The following GP1BB variants were observed in gnomAD, a reference collection of about 807,000 sequenced individuals.
The protein encoded by GP1BB is glycoprotein Ib platelet subunit beta.
GP1BB carries 3 observed loss-of-function variants against 2.5 expected under a neutral mutation model. That is an observed-to-expected ratio of 1.22 (90% confidence interval 0.56 to 3.15). The LOEUF (loss-of-function observed/expected upper bound fraction) is 3.15. Among genes scored for constraint, GP1BB ranks in the 30% most tolerant of loss-of-function variants. The pLI, the probability that GP1BB is intolerant of heterozygous loss-of-function variation, is 0.03. For missense variants in GP1BB, 316 were observed against 307.0 expected (o/e 1.03, Z -0.22); for synonymous variants, 191 against 167.5 (o/e 1.14, Z -1.08).
rs762927741 is a variant in GP1BB at position 19,723,539 on chromosome 22, G to A, written c.-31G>A. ...GGCTCTCCCGCCTACGCCTCCCGCT[G>A]CAGAGTAAGCCGGGCTGCCGTCTTC... On this transcript the variant is annotated 5_prime_UTR_variant, in exon 1 of 2. Transcript: ENST00000366425. 5 of 1,584,782 alleles carry A rather than the reference G, an allele frequency of 3.2e-6. No individual in the cohort carries two copies. Among genetic ancestry groups the A allele is most frequent in the Admixed American group, 3.4e-5 (2 of 58,526 alleles).
At position 19,724,671 on chromosome 22, in the gene GP1BB, C is replaced by G. The variant is rs1369688910; in HGVS notation, c.*207C>G. The G allele has an allele frequency of 5.0e-6, 3 of 598,870 alleles. No individual in the cohort carries two copies. Among genetic ancestry groups the G allele is most frequent in the Non-Finnish European group, 6.1e-6 (2 of 329,918 alleles). 37.1% of individuals were successfully genotyped at this position (598,870 alleles called of 1,614,324 possible). On this transcript the variant is annotated 3_prime_UTR_variant, in exon 2 of 2. Transcript: ENST00000366425. Reference sequence around the variant, plus strand: ...CCACCCTACCCCGAGGGAGGCGAACCCGCACTTCCAGGCTTGGGAGGACCA... The same window carrying G: ...CCACCCTACCCCGAGGGAGGCGAACGCGCACTTCCAGGCTTGGGAGGACCA...
rs1936123653 is a variant in GP1BB at position 19,724,389 on chromosome 22, C to T, written c.546C>T (p.Ala182=). Reference sequence around the variant, plus strand: ...GCCTGCGGAGGCTGCGGGCCCGGGCCCGCGCTCGCGCCGCAGCCCGGCTGT... The same window carrying T: ...GCCTGCGGAGGCTGCGGGCCCGGGCTCGCGCTCGCGCCGCAGCCCGGCTGT... ...LCRLRRLRAR[A]RARAAARLSL... The change falls in exon 2 of 2, where the codon GCC becomes GCT. Residue 182 remains alanine, a synonymous_variant. Coordinates refer to ENST00000366425, the MANE Select transcript of GP1BB (RefSeq NM_000407.5). The T allele has an allele frequency of 1.3e-6, 2 of 1,534,746 alleles. No homozygotes were observed. Among genetic ancestry groups the T allele is most frequent in the East Asian group, 2.5e-5 (1 of 39,956 alleles).
rs121909752 is a variant in GP1BB at position 19,723,980 on chromosome 22, G to A, written c.137G>A (p.Trp46Ter). 29 of 1,532,470 alleles carry A rather than the reference G, an allele frequency of 1.9e-5. No individual in the cohort carries two copies. The highest frequency in any genetic ancestry group is 2.5e-5 in the Non-Finnish European group (29 of 1,146,916). The allele number at this position is 1,532,470 out of a possible 1,614,324, so 94.9% of individuals were successfully genotyped here. A position where few individuals can be genotyped will look rare whatever the true frequency, so the allele number is the denominator to read the frequency against. ...GACTGCGGGCGCCGCGGGCTGACTT[G>A]GGCCTCGCTGCCGACCGCCTTCCCT... ...LVDCGRRGLTWASLPTAFPVD... is the reference protein window; with the variant it reads ...LVDCGRRGLT Residue 46 changes from tryptophan to a stop codon, truncating the protein, a stop_gained, in exon 2 of 2, where the codon TGG becomes TAG. Transcript: ENST00000366425. LOFTEE classifies it low-confidence loss of function (END_TRUNC).
Position 19,724,320 on chromosome 22 carries a change from C to T in GP1BB, c.477C>T (p.Gly159=), listed in dbSNP as rs1045611897. 3.1e-5 allele frequency: 45 copies of T among 1,428,914 alleles called. No individual in the cohort carries two copies. Among genetic ancestry groups the T allele is most frequent in the Non-Finnish European group, 4.1e-5 (45 of 1,097,416 alleles). The allele number at this position is 1,428,914 out of a possible 1,614,324, so 88.5% of individuals were successfully genotyped here. Residue 159 remains glycine (G), a synonymous_variant, in exon 2 of 2, where the codon GGC becomes GGT. Transcript: ENST00000366425. ...GALAAQLALL[G]LGLLHALLLV... ...TGGCGGCGCAGCTTGCGCTGCTGGG[C>T]CTTGGGCTGCTGCACGCGTTGCTGC...
rs1168633388 is a variant in GP1BB at position 19,724,298 on chromosome 22, CGGCGCAGCTTGCGCTG to C, written c.456_471del (p.Ala153TrpfsTer35). The C allele has an allele frequency of 7.6e-7, 1 of 1,314,370 alleles. No homozygotes were observed. The highest frequency in any genetic ancestry group is 9.6e-7 in the Non-Finnish European group (1 of 1,037,836). 81.4% of individuals were successfully genotyped at this position (1,314,370 alleles called of 1,614,324 possible). On this transcript the variant is annotated frameshift_variant, in exon 2 of 2. Coordinates refer to ENST00000366425, the MANE Select transcript of GP1BB (RefSeq NM_000407.5). LOFTEE classifies it low-confidence loss of function (END_TRUNC). ...GGCCCGCTCTGCTGGGGGGCGCTGG[CGGCGCAGCTTGCGCTG>C]CTGGGCCTTGGGCTGCTGCACGCGT...
chr22:19,724,645 C>A lies in GP1BB; in HGVS notation c.*181C>A. On this transcript the variant is annotated 3_prime_UTR_variant, in exon 2 of 2. Transcript: ENST00000366425. ...CAGACCACGTGGGACAGAACTCCTGCCCACCCTACCCCGAGGGAGGCGAAC... is the reference window on the plus strand; with the variant it reads ...CAGACCACGTGGGACAGAACTCCTGACCACCCTACCCCGAGGGAGGCGAAC... 1 of 620,354 alleles carries A rather than the reference C, an allele frequency of 1.6e-6. No homozygotes were observed. Among genetic ancestry groups the A allele is most frequent in the Non-Finnish European group, 2.9e-6 (1 of 340,474 alleles). 38.4% of individuals were successfully genotyped at this position (620,354 alleles called of 1,614,324 possible). A position where few individuals can be genotyped will look rare whatever the true frequency, so the allele number is the denominator to read the frequency against.
At position 19,723,578 on chromosome 22, in the gene GP1BB, C is replaced by T. The variant is rs375744315; in HGVS notation, c.9C>T (p.Ser3=). The part of the protein sequence containing the change: MG[S]GPRGALSLLL... ...GCTGCCGTCTTCTCGCCATGGGCTCCGGTGAGTCTGGAGTCCGGTCGGGCC... is the reference window on the plus strand; with the variant it reads ...GCTGCCGTCTTCTCGCCATGGGCTCTGGTGAGTCTGGAGTCCGGTCGGGCC... The change falls in exon 1 of 2, where the codon TCC becomes TCT. Residue 3 remains serine, a splice_region_variant and synonymous_variant. Transcript: ENST00000366425. 1.3e-6 allele frequency: 2 copies of T among 1,597,642 alleles called. No individual in the cohort carries two copies. The highest frequency in any genetic ancestry group is 1.7e-4 in the Middle Eastern group (1 of 5,984).
intron 1 of GP1BB, 53 bp downstream of exon 1, chr22:19,723,632 T>C: frequency 6.4e-7 from 1 of 1,572,540 alleles, no homozygotes; most frequent in South Asian, 1.1e-5. Flanking sequence ...CGACCCGGGT[T>C]GAGAGGAGCT....
In GP1BB at chr22:19,724,474, C is replaced by A. The variant is rs1257960444; in HGVS notation, c.*10C>A. The A allele has an allele frequency of 6.6e-7, 1 of 1,519,714 alleles. No homozygotes were observed. The highest frequency in any genetic ancestry group is 8.9e-7 in the Non-Finnish European group (1 of 1,121,516). The allele number at this position is 1,519,714 out of a possible 1,614,324, so 94.1% of individuals were successfully genotyped here. Reference sequence around the variant, plus strand: ...AACCGACGAGTCCTGAGGAGAGAACCGGTGCGTCCTGAGGAGAGAACCGGC... The same window carrying A: ...AACCGACGAGTCCTGAGGAGAGAACAGGTGCGTCCTGAGGAGAGAACCGGC... On this transcript the variant is annotated 3_prime_UTR_variant, in exon 2 of 2. Coordinates refer to ENST00000366425, the MANE Select transcript of GP1BB (RefSeq NM_000407.5).
chr22:19,723,567 G>T lies in GP1BB; in HGVS notation c.-3G>T, dbSNP rs1936099687. On this transcript the variant is annotated 5_prime_UTR_variant, in exon 1 of 2. Transcript: ENST00000366425. The stretch of plus-strand genomic sequence containing the variant: ...GAGTAAGCCGGGCTGCCGTCTTCTC[G>T]CCATGGGCTCCGGTGAGTCTGGAGT... 2 of 1,596,184 alleles carry T rather than the reference G, an allele frequency of 1.3e-6. No individual in the cohort carries two copies. Among genetic ancestry groups the T allele is most frequent in the Non-Finnish European group, 1.7e-6 (2 of 1,176,172 alleles).
Position 19,724,255 on chromosome 22 carries a change from C to A in GP1BB, c.412C>A (p.Arg138Ser). Residue 138 changes from arginine to serine, a missense_variant, in exon 2 of 2, where the codon CGC becomes AGC. Physicochemically the swap from Arg to Ser is moderately radical, Grantham distance 110. Coordinates refer to ENST00000366425, the MANE Select transcript of GP1BB (RefSeq NM_000407.5). ...LLPYLAEDEL[R>S]AACAPGPLCW... ...GCCCTATCTGGCCGAGGACGAGCTG[C>A]GCGCCGCTTGCGCTCCCGGCCCGCT... 1.6e-6 allele frequency: 2 copies of A among 1,245,648 alleles called. No individual in the cohort carries two copies. Among genetic ancestry groups the A allele is most frequent in the Non-Finnish European group, 2.0e-6 (2 of 998,942 alleles). 77.2% of individuals were successfully genotyped at this position (1,245,648 alleles called of 1,614,324 possible).
chr22:19,723,970 G>C lies in GP1BB; in HGVS notation c.127G>C (p.Gly43Arg), dbSNP rs551140561. 15 of 1,527,056 alleles carry C rather than the reference G, an allele frequency of 9.8e-6. No homozygotes were observed. The highest frequency in any genetic ancestry group is 1.3e-5 in the Non-Finnish European group (15 of 1,144,218). The allele number at this position is 1,527,056 out of a possible 1,614,324, so 94.6% of individuals were successfully genotyped here. The change falls in exon 2 of 2, where the codon GGG becomes CGG. Residue 43 changes from glycine to arginine, a missense_variant. By Grantham distance (125) the Gly-to-Arg change is moderately radical. Transcript: ENST00000366425. ...AGTLVDCGRRGLTWASLPTAF... is the reference protein window; with the variant it reads ...AGTLVDCGRRRLTWASLPTAF... ...GACGCTCGTGGACTGCGGGCGCCGC[G>C]GGCTGACTTGGGCCTCGCTGCCGAC...
rs1601248595 is a variant in GP1BB, at chr22:19,724,080, C to G, written c.237C>G (p.Pro79=). The stretch of plus-strand genomic sequence containing the variant: ...CGCCGGGGCTGCTGGACGCGCTGCC[C>G]GCGCTGCGCACCGCACACCTGGGCG... ...ALPPGLLDAL[P]ALRTAHLGAN... Residue 79 remains proline (P), a synonymous_variant, in exon 2 of 2, where the codon CCC becomes CCG. Coordinates refer to ENST00000366425, the MANE Select transcript of GP1BB (RefSeq NM_000407.5). 6.7e-6 allele frequency: 10 copies of G among 1,498,422 alleles called. No individual in the cohort carries two copies. The highest frequency in any genetic ancestry group is 5.5e-5 in the East Asian group (2 of 36,346). The allele number at this position is 1,498,422 out of a possible 1,614,324, so 92.8% of individuals were successfully genotyped here. A position where few individuals can be genotyped will look rare whatever the true frequency, so the allele number is the denominator to read the frequency against.
rs189096131 is a variant in GP1BB at position 19,724,591 on chromosome 22, A to G, written c.*127A>G. On this transcript the variant is annotated 3_prime_UTR_variant, in exon 2 of 2. Coordinates refer to ENST00000366425, the MANE Select transcript of GP1BB (RefSeq NM_000407.5). ...CGGTCCCCGCCTCCTCCGCTGCCCA[A>G]TCTCTCAGACCCACCCCACCTGCAG... 1.7e-3 allele frequency: 1,271 copies of G among 731,452 alleles called. 14 individuals carry two copies. In the African/African-American group the frequency reaches 0.02, roughly 11 times the overall value. 45.3% of individuals were successfully genotyped at this position (731,452 alleles called of 1,614,324 possible).
Position 19,723,553 on chromosome 22 carries a change from G to C in GP1BB, c.-17G>C, listed in dbSNP as rs764176847. On this transcript the variant is annotated 5_prime_UTR_variant, in exon 1 of 2. Coordinates refer to ENST00000366425, the MANE Select transcript of GP1BB (RefSeq NM_000407.5). ...CGCCTCCCGCTGCAGAGTAAGCCGG[G>C]CTGCCGTCTTCTCGCCATGGGCTCC... 1.5e-5 allele frequency: 24 copies of C among 1,591,842 alleles called. No homozygotes were observed. The highest frequency in any genetic ancestry group is 1.3e-4 in the South Asian group (12 of 88,898).
chr22:19,723,621 C>T lies in GP1BB; in HGVS notation c.10+42C>T, dbSNP rs759388859. 9.5e-6 allele frequency: 15 copies of T among 1,586,368 alleles called. No individual in the cohort carries two copies. In the East Asian group the frequency reaches 2.9e-4, roughly 31 times the overall value. On this transcript the variant is annotated intron_variant, in intron 1 of 1. Transcript: ENST00000366425. ...GTCGGGCCCCCGGCTGCTCCCTAGG[C>T]CGACCCGGGTTGAGAGGAGCTCTGG...
At position 19,724,005 on chromosome 22, in the gene GP1BB, T is replaced by A; in HGVS notation, c.162T>A (p.Pro54=). 6.5e-7 allele frequency: 1 copy of A among 1,537,786 alleles called. No individual in the cohort carries two copies. Among genetic ancestry groups the A allele is most frequent in the African/African-American group, 1.4e-5 (1 of 71,218 alleles). ...LTWASLPTAF[P]VDTTELVLTG... is the part of the protein sequence containing the mutation. ...GGGCCTCGCTGCCGACCGCCTTCCC[T>A]GTCGACACAACCGAGCTGGTGCTGA... The change falls in exon 2 of 2, where the codon CCT becomes CCA. Residue 54 remains proline, a synonymous_variant. Transcript: ENST00000366425.
At position 19,724,207 on chromosome 22, in the gene GP1BB, C is replaced by A. The variant is rs1345537102; in HGVS notation, c.364C>A (p.Pro122Thr). 3 of 1,228,062 alleles carry A rather than the reference C, an allele frequency of 2.4e-6. No individual in the cohort carries two copies. Among genetic ancestry groups the A allele is most frequent in the South Asian group, 7.0e-5 (2 of 28,600 alleles). The allele number at this position is 1,228,062 out of a possible 1,614,324, so 76.1% of individuals were successfully genotyped here. The part of the protein sequence containing the change: ...PYRDLRCVAP[P>T]ALRGRLLPYL... The stretch of plus-strand genomic sequence containing the variant: ...CCGCGACCTGCGTTGCGTGGCGCCC[C>A]CAGCGCTGCGCGGCCGCCTGCTGCC... The change falls in exon 2 of 2, where the codon CCA becomes ACA. Residue 122 changes from proline to threonine, a missense_variant. Transcript: ENST00000366425.
chr22:19,724,573 C>T lies in GP1BB; in HGVS notation c.*109C>T, dbSNP rs1936129125. 19 of 769,012 alleles carry T rather than the reference C, an allele frequency of 2.5e-5. No homozygotes were observed. In the South Asian group the frequency reaches 2.6e-4, roughly 11 times the overall value. 47.6% of individuals were successfully genotyped at this position (769,012 alleles called of 1,614,324 possible). ...CCTCGCGCCAACCTGGACCGGTCCC[C>T]GCCTCCTCCGCTGCCCAATCTCTCA... On this transcript the variant is annotated 3_prime_UTR_variant, in exon 2 of 2. Transcript: ENST00000366425.
Sources: allele counts gnomAD v4.1 joint callset, GRCh38; gene constraint gnomAD v4.1.1; transcripts MANE v1.5; gene names NCBI Gene and HGNC (gene_info 2026-07-23, HGNC 2026-07-21).